The following CLIC5 variants were observed in gnomAD, a reference collection of about 807,000 sequenced individuals.
The protein encoded by CLIC5 is chloride intracellular channel protein 5.
A neutral mutation model predicts 24.7 loss-of-function variants in CLIC5; 20 were observed. The ratio of observed to expected loss-of-function variants is 0.81; its 90% CI spans 0.57 to 1.18. The LOEUF is 1.18. Ranked by LOEUF, CLIC5 falls within the 50% of genes most tolerant of loss-of-function variation. The pLI, the probability that CLIC5 is intolerant of heterozygous loss-of-function variation, is 0.00. For synonymous variants in CLIC5, 159 were observed against 135.6 expected (o/e 1.17, Z -1.20); for missense variants, 341 against 326.1 (o/e 1.05, Z -0.35).
chr6:46,061,578 T>C (rs1010514251), intron 1 of CLIC5, among the ~76,000 whole-genome samples: 1 of 152,198 alleles, frequency 6.6e-6, no homozygotes, highest in African/African-American at 2.4e-5. Flanking sequence ...CATTTGGCCT[T>C]AGAGACTAGA....
upstream of CLIC5, among the ~76,000 whole-genome samples, chr6:46,016,534 TTTTC>T (rs1175200915): frequency 1.3e-5 from 2 of 152,176 alleles, no homozygotes; most frequent in Non-Finnish European, 2.9e-5. Context: ...CCTTCTTTCA[TTTTC>T]TTTCTATTTC....
the CLIC5 span, among the ~76,000 whole-genome samples, chr6:46,115,585 C>T: frequency 6.6e-6 from 1 of 152,160 alleles, no homozygotes; most frequent in South Asian, 2.1e-4. Flanking sequence ...TCAGAATGCA[C>T]TAACACAATT....
chr6:46,083,403 T>C (rs935519217), upstream of CLIC5, among the ~76,000 whole-genome samples: 1 of 152,238 alleles, frequency 6.6e-6, no homozygotes, highest in African/African-American at 2.4e-5. Context: ...CTTTCTCTTG[T>C]GGGCATTTAG....
intron 2 of CLIC5, among the ~76,000 whole-genome samples, chr6:45,954,724 T>G (rs1334162242): frequency 3.9e-5 from 6 of 152,182 alleles, no homozygotes; most frequent in African/African-American, 1.4e-4. Flanking sequence ...GAACATAGCA[T>G]GGGAAAGGGT....
chr6:45,951,969 A>T (rs762359735), intron 2 of CLIC5, among the ~76,000 whole-genome samples: 1 of 152,192 alleles, frequency 6.6e-6, no homozygotes, highest in Non-Finnish European at 1.5e-5. Context: ...AATCTAATTT[A>T]CTTAGTCCCT....
chr6:45,982,260 G>T (rs919829334), intron 1 of CLIC5, among the ~76,000 whole-genome samples: 1 of 152,040 alleles, frequency 6.6e-6, no homozygotes, highest in African/African-American at 2.4e-5. Context: ...GGGTCACCTG[G>T]GGCCTGTCCT....
chr6:45,979,978 T>C (rs955542562), intron 1 of CLIC5, among the ~76,000 whole-genome samples: 3 of 108,042 alleles, frequency 2.8e-5, no homozygotes, highest in Non-Finnish European at 5.5e-5. Context: ...TTTGCCAAGG[T>C]TGATGTCTAG....
chr6:46,124,093 A>G, the CLIC5 span, among the ~76,000 whole-genome samples: 1 of 152,212 alleles, frequency 6.6e-6, no homozygotes. Flanking sequence ...TTTAAAGTTC[A>G]TATGGAACCA....
At chr6:46,028,052 G>C (rs968727222) in intron 1 of CLIC5, among the ~76,000 whole-genome samples, 1 of 152,094 alleles carries the variant, frequency 6.6e-6, no homozygotes, top group Non-Finnish European at 1.5e-5. Context: ...TTAACACAGC[G>C]CAAAGTCACT....
chr6:46,079,440 T>C (rs1270302040), intron 1 of CLIC5, among the ~76,000 whole-genome samples: 1 of 152,234 alleles, frequency 6.6e-6, no homozygotes, highest in Admixed American at 6.5e-5. Flanking sequence ...CTCACTTATG[T>C]GAACCGTTTT....
chr6:45,987,572 T>C (rs6458482), intron 1 of CLIC5, among the ~76,000 whole-genome samples: 76,170 of 151,764 alleles, frequency 0.5, 19,923 homozygotes, highest in East Asian at 0.76. Flanking sequence ...CTGTAGATTG[T>C]GTGGCTTAAA....
At chr6:45,997,868 TAGGTTCCATG>T (rs1452444982) in intron 1 of CLIC5, among the ~76,000 whole-genome samples, 10 of 152,192 alleles carry the variant, frequency 6.6e-5, no homozygotes, top group Non-Finnish European at 1.5e-4. Context: ...AGACTATAAG[TAGGTTCCATG>T]AGTTTATACA....
intron 1 of CLIC5, among the ~76,000 whole-genome samples, chr6:46,002,173 G>A (rs747321309): frequency 5.3e-5 from 8 of 152,206 alleles, no homozygotes; most frequent in Non-Finnish European, 1.0e-4. Context: ...TTCCATGGAC[G>A]ATATTGTAAA....
chr6:46,059,880 T>C (rs1212530328), intron 1 of CLIC5, among the ~76,000 whole-genome samples: 1 of 152,204 alleles, frequency 6.6e-6, no homozygotes, highest in Non-Finnish European at 1.5e-5. Flanking sequence ...GCTCAATAAA[T>C]GTTTGGTCAG....
intron 2 of CLIC5, 53 bp from the exon 3 acceptor site, chr6:45,949,434 C>T: frequency 6.3e-7 from 1 of 1,577,752 alleles, no homozygotes; most frequent in South Asian, 1.2e-5. Flanking sequence ...GCTTCCTGTT[C>T]TGGGAAACCT....
At chr6:46,051,695 C>A (rs1308983581) in intron 1 of CLIC5, among the ~76,000 whole-genome samples, 1 of 152,108 alleles carries the variant, frequency 6.6e-6, no homozygotes, top group East Asian at 1.9e-4. Context: ...AATAATAATT[C>A]CTTGTATTTG....
intron 1 of CLIC5, among the ~76,000 whole-genome samples, chr6:46,001,497 G>A (rs1301433064): frequency 6.6e-6 from 1 of 152,088 alleles, no homozygotes; most frequent in Non-Finnish European, 1.5e-5. Context: ...AGCTCCCATA[G>A]CCTCATTCTT....
At chr6:46,075,018 G>A (rs987747201) in intron 1 of CLIC5, among the ~76,000 whole-genome samples, 4 of 152,106 alleles carry the variant, frequency 2.6e-5, no homozygotes, top group Non-Finnish European at 4.4e-5. Context: ...AAAATAAAAC[G>A]TCATTTCCTG....
At chr6:45,914,529 C>G in intron 4 of CLIC5, 120 bp from the exon 5 acceptor site, 1 of 1,298,254 alleles carries the variant, frequency 7.7e-7, no homozygotes, top group Non-Finnish European at 9.8e-7. Context: ...CTGCCAGCTC[C>G]CCACACACTG....
Sources: allele counts gnomAD v4.1 joint callset (sites outside exome capture counted in the v4.1 genomes callset), GRCh38; gene constraint gnomAD v4.1.1; transcripts MANE v1.5; gene names NCBI Gene and HGNC (gene_info 2026-07-23, HGNC 2026-07-21).